Variants in PARD3 observed in about 807,000 individuals in gnomAD.
The protein encoded by PARD3 is partitioning defective 3 homolog.
Under a neutral mutation model 155.4 loss-of-function variants are expected in PARD3, and 75 were observed. That is an observed-to-expected ratio of 0.48 (90% CI 0.40 to 0.58). The LOEUF is 0.58. Among genes scored for constraint, PARD3 ranks in the 20% least tolerant of loss-of-function variants. The pLI, the probability that PARD3 is intolerant of heterozygous loss-of-function variation, is 0.00. For synonymous variants in PARD3, 576 were observed against 610.5 expected, an observed-to-expected ratio of 0.94 and a Z score of 0.83; for missense variants, 1,642 against 1,721.7, an observed-to-expected ratio of 0.95 and a Z score of 0.82.
chr10:34,658,068 C>A (rs2093226049), intron 2 of PARD3, among the ~76,000 whole-genome samples: 1 of 151,572 alleles, frequency 6.6e-6, no homozygotes, highest in African/African-American at 2.4e-5. Context: ...ATGGCCTGAA[C>A]CTGGGAGGCG....
intron 4 of PARD3, among the ~76,000 whole-genome samples, chr10:34,455,546 C>T (rs1196170722): frequency 1.3e-5 from 2 of 151,054 alleles, no homozygotes; most frequent in East Asian, 1.9e-4. Context: ...GCTGGAGCCT[C>T]GGCAACAATT....
intron 1 of PARD3, among the ~76,000 whole-genome samples, chr10:34,754,020 ATT>A (rs796321184): frequency 6.9e-6 from 1 of 145,860 alleles, no homozygotes. Flanking sequence ...GGTTTTATTT[ATT>A]TTTTTTTTTT....
chr10:34,647,428 G>C (rs970866459), intron 2 of PARD3, among the ~76,000 whole-genome samples: 1 of 152,150 alleles, frequency 6.6e-6, no homozygotes, highest in Admixed American at 6.5e-5. Context: ...CTACTGATAA[G>C]ACTCCACAAA....
At chr10:34,706,420 C>A (rs1212959890) in intron 1 of PARD3, among the ~76,000 whole-genome samples, 1 of 152,182 alleles carries the variant, frequency 6.6e-6, no homozygotes, top group African/African-American at 2.4e-5. Context: ...CCAGCCTCTT[C>A]TCAACAGCTT....
rs1272022825 is a variant in PARD3 at position 34,660,062 on chromosome 10, G to A, written c.222+36256C>T. On this transcript the variant is annotated intron_variant, in intron 2 of 24. Transcript: ENST00000374788. The stretch of plus-strand genomic sequence containing the variant: ...GGCAGAAAACATATTAATTTAAAAT[G>A]CATATGTTTTCCCCAAATCTTCCCC... Among the ~76,000 whole-genome samples, 12 of 152,106 alleles carry A rather than the reference G, an allele frequency of 7.9e-5. No homozygotes were observed. In the East Asian group the frequency reaches 2.3e-3, roughly 29 times the overall value.
intron 2 of PARD3, among the ~76,000 whole-genome samples, chr10:34,578,197 T>G (rs2134223914): frequency 6.6e-6 from 1 of 152,156 alleles, no homozygotes; most frequent in East Asian, 1.9e-4. Flanking sequence ...CTTACAATAT[T>G]CCAACCAAAA....
intron 23 of PARD3, among the ~76,000 whole-genome samples, chr10:34,129,281 T>G (rs1396946972): frequency 6.6e-6 from 1 of 152,178 alleles, no homozygotes; most frequent in African/African-American, 2.4e-5. Context: ...GCCTCCCGAG[T>G]AGCCTGGATT....
chr10:34,393,457 T>C (rs1843022049), intron 7 of PARD3, among the ~76,000 whole-genome samples: 1 of 151,926 alleles, frequency 6.6e-6, no homozygotes, highest in African/African-American at 2.4e-5. Flanking sequence ...GGCACTTGCC[T>C]GTAGTCCCAG....
intron 2 of PARD3, among the ~76,000 whole-genome samples, chr10:34,695,972 A>G (rs901925985): frequency 2.6e-5 from 4 of 152,206 alleles, no homozygotes; most frequent in Non-Finnish European, 4.4e-5. Flanking sequence ...GTATACACGG[A>G]GATGATAAGG....
rs1028979510 is a variant in PARD3 at position 34,362,955 on chromosome 10, T to C, written c.1708-2696A>G. Among the ~76,000 whole-genome samples the C allele has an allele frequency of 2.0e-5, 3 of 152,336 alleles. No individual in the cohort carries two copies. In the South Asian group the frequency reaches 6.2e-4, roughly 32 times the overall value. On this transcript the variant is annotated intron_variant, in intron 12 of 24. Transcript: ENST00000374788. Reference sequence around the variant, plus strand: ...ACTTTAAATTTGGAGGTTGCTGAAATAAAAAATTATTCTGTCAATCAGTAC... The same window carrying C: ...ACTTTAAATTTGGAGGTTGCTGAAACAAAAAATTATTCTGTCAATCAGTAC...
At chr10:34,637,400 T>C (rs1164785635) in intron 2 of PARD3, among the ~76,000 whole-genome samples, 2 of 152,168 alleles carry the variant, frequency 1.3e-5, no homozygotes, top group Non-Finnish European at 2.9e-5. Flanking sequence ...ATGAGAAACG[T>C]CCATTAACGT....
intron 22 of PARD3, among the ~76,000 whole-genome samples, chr10:34,180,347 C>G (rs1950217683): frequency 6.6e-6 from 1 of 152,200 alleles, no homozygotes; most frequent in Admixed American, 6.5e-5. Flanking sequence ...GCCTGGACCC[C>G]TTCAAGCATT....
chr10:34,430,290 C>G (rs1362258109), intron 5 of PARD3, among the ~76,000 whole-genome samples: 1 of 152,132 alleles, frequency 6.6e-6, no homozygotes, highest in Non-Finnish European at 1.5e-5. Flanking sequence ...ATCATACACT[C>G]CAAATTTTTT....
At chr10:34,481,048 C>CGCCTCA (rs1564761520) in intron 3 of PARD3, among the ~76,000 whole-genome samples, 1 of 151,874 alleles carries the variant, frequency 6.6e-6, no homozygotes, top group Admixed American at 6.6e-5. Context: ...GTGATCCACC[C>CGCCTCA]GCCTCAGCCT....
intron 2 of PARD3, among the ~76,000 whole-genome samples, chr10:34,609,735 A>G (rs1249195878): frequency 6.6e-6 from 1 of 152,152 alleles, no homozygotes; most frequent in Non-Finnish European, 1.5e-5. Context: ...AGACAAAACA[A>G]AAAACCTGTT....
chr10:34,740,910 C>A (rs367995788), intron 1 of PARD3, among the ~76,000 whole-genome samples: 3 of 152,168 alleles, frequency 2.0e-5, no homozygotes, highest in African/African-American at 7.2e-5. Flanking sequence ...ACTATATGAA[C>A]AATATGGTAG....
chr10:34,341,548 G>A, intron 16 of PARD3, 79 bp downstream of exon 16: 1 of 1,073,078 alleles, frequency 9.3e-7, no homozygotes, highest in Non-Finnish European at 1.4e-6. Flanking sequence ...ATGATTAACT[G>A]TATTTAGCAG....
intron 1 of PARD3, among the ~76,000 whole-genome samples, chr10:34,812,289 G>C (rs984996949): frequency 1.2e-4 from 18 of 152,022 alleles, no homozygotes; most frequent in African/African-American, 4.4e-4. Context: ...ATTATCCAAA[G>C]CCATAAACAT....
intron 5 of PARD3, among the ~76,000 whole-genome samples, chr10:34,408,013 A>C (rs930202619): frequency 6.6e-6 from 1 of 152,188 alleles, no homozygotes; most frequent in African/African-American, 2.4e-5. Context: ...TCAGAGGAAC[A>C]CTATAAAACT....
Sources: gnomAD v4.1 joint callset for allele counts (sites outside exome capture counted in the v4.1 genomes callset) on GRCh38, gnomAD v4.1.1 for gene constraint, MANE v1.5 for transcripts, NCBI Gene and HGNC (gene_info 2026-07-23, HGNC 2026-07-21) for gene names.